RAP1GAP2: variants seen among roughly 807,000 people sequenced by gnomAD.
The protein encoded by RAP1GAP2 is RAP1 GTPase activating protein 2.
RAP1GAP2 carries 27 observed loss-of-function variants against 95.0 expected under a neutral mutation model. The ratio of observed to expected loss-of-function variants is 0.28; its 90% CI spans 0.21 to 0.39. RAP1GAP2 has a LOEUF of 0.39. Among genes scored for constraint, RAP1GAP2 ranks in the 10% least tolerant of loss-of-function variants. RAP1GAP2 has a pLI of 1.00. For missense variants in RAP1GAP2, 771 were observed against 970.0 expected (o/e 0.79, Z 2.72); for synonymous variants, 373 against 380.9 (o/e 0.98, Z 0.24).
At chr17:2,996,168 G>T (rs1019826245) in intron 13 of RAP1GAP2, among the ~76,000 whole-genome samples, 1 of 152,026 alleles carries the variant, frequency 6.6e-6, no homozygotes, top group African/African-American at 2.4e-5. Context: ...CATCTCACAG[G>T]CTCCTCTCTC....
Position 2,815,980 on chromosome 17 carries a change from A to T in RAP1GAP2, c.80+15430A>T, listed in dbSNP as rs561124155. On this transcript the variant is annotated intron_variant, in intron 2 of 24. Coordinates refer to ENST00000254695, the MANE Select transcript of RAP1GAP2 (RefSeq NM_015085.5). ...ACTGGCTGGACGTGGTCAGAAGGGC[A>T]GACGTGTGTGTACACAAGGCCCAGA... Among the ~76,000 whole-genome samples the T allele has an allele frequency of 2.6e-5, 4 of 152,354 alleles. 1 individual carries two copies. The East Asian group carries it at 7.7e-4, about 29-fold the overall frequency.
intron 1 of RAP1GAP2, among the ~76,000 whole-genome samples, chr17:2,799,192 T>C (rs1367040342): frequency 1.3e-5 from 2 of 151,978 alleles, no homozygotes; most frequent in Non-Finnish European, 2.9e-5. Context: ...TGGGTGTCTG[T>C]GCGTTGAATG....
intron 8 of RAP1GAP2, among the ~76,000 whole-genome samples, chr17:2,978,503 A>T (rs557340619): frequency 1.3e-5 from 2 of 152,302 alleles, no homozygotes; most frequent in East Asian, 3.9e-4. Context: ...TCATCATGCT[A>T]TTCAGGACGG....
At chr17:2,994,415 A>C (rs900563384) in intron 12 of RAP1GAP2, among the ~76,000 whole-genome samples, 6 of 152,212 alleles carry the variant, frequency 3.9e-5, no homozygotes, top group Non-Finnish European at 8.8e-5. Flanking sequence ...CTGGAAGCCC[A>C]CCCAGTTCCT....
chr17:2,939,519 G>A (rs2151427947), intron 3 of RAP1GAP2, among the ~76,000 whole-genome samples: 1 of 152,366 alleles, frequency 6.6e-6, no homozygotes, highest in South Asian at 2.1e-4. Context: ...GGGCTTCCCA[G>A]TTCAGAGAAG....
At chr17:3,019,785 A>G (rs2046893050) in intron 18 of RAP1GAP2, among the ~76,000 whole-genome samples, 1 of 152,208 alleles carries the variant, frequency 6.6e-6, no homozygotes, top group Non-Finnish European at 1.5e-5. Context: ...GAGGTGCCAT[A>G]ACATGTGCAT....
intron 17 of RAP1GAP2, among the ~76,000 whole-genome samples, chr17:3,015,749 G>C (rs183503290): frequency 6.6e-6 from 1 of 152,108 alleles, no homozygotes; most frequent in African/African-American, 2.4e-5. Flanking sequence ...CCTGGGAAGC[G>C]GAGGATGCTG....
At position 3,005,877 on chromosome 17, in the gene RAP1GAP2, C is replaced by T. The variant is rs1449316388; in HGVS notation, c.1273-78C>T. 2.2e-6 allele frequency: 3 copies of T among 1,377,188 alleles called. No homozygotes were observed. The highest frequency in any genetic ancestry group is 3.1e-6 in the Non-Finnish European group (3 of 964,508). 85.3% of individuals were successfully genotyped at this position (1,377,188 alleles called of 1,614,324 possible). On this transcript the variant is annotated intron_variant, in intron 15 of 24. Coordinates refer to ENST00000254695, the MANE Select transcript of RAP1GAP2 (RefSeq NM_015085.5). The surrounding 1 kb of genome is among the most constrained non-coding windows in gnomAD (Gnocchi z 5.2). Reference sequence around the variant, plus strand: ...GGTTCTCCCCATGGCCCCGGCTCTGCCTGCCTGTCACTGTGGCTGAAGACC... The same window carrying T: ...GGTTCTCCCCATGGCCCCGGCTCTGTCTGCCTGTCACTGTGGCTGAAGACC...
intron 3 of RAP1GAP2, among the ~76,000 whole-genome samples, chr17:2,953,089 A>G (rs1370936879): frequency 6.6e-6 from 1 of 152,110 alleles, no homozygotes; most frequent in African/African-American, 2.4e-5. Context: ...TACAGGTGTG[A>G]GCCACCACTG....
intron 2 of RAP1GAP2, among the ~76,000 whole-genome samples, chr17:2,897,775 G>T (rs775717665): frequency 2.6e-5 from 4 of 152,062 alleles, no homozygotes. Flanking sequence ...CGGTTCCCTC[G>T]GCTCTCCAGC....
rs1293229682 is a variant in RAP1GAP2, at chr17:2,817,781, A to C, written c.80+17231A>C. Among the ~76,000 whole-genome samples, 2 of 121,018 alleles carry C rather than the reference A, an allele frequency of 1.7e-5. 1 individual carries two copies. Among genetic ancestry groups the C allele is most frequent in the Non-Finnish European group, 4.0e-5 (2 of 50,420 alleles). 79.4% of individuals were successfully genotyped at this position (121,018 alleles called of 152,430 possible). ...GGCAATCCAACTGCCTCAACCTCCC[A>C]AAGTGTTAGGATTACAGGCATGAGC... On this transcript the variant is annotated intron_variant, in intron 2 of 24. Coordinates refer to ENST00000254695, the MANE Select transcript of RAP1GAP2 (RefSeq NM_015085.5).
At chr17:3,018,281 A>G in intron 18 of RAP1GAP2, 83 bp downstream of exon 18, 2 of 1,469,760 alleles carry the variant, frequency 1.4e-6, no homozygotes, top group Non-Finnish European at 1.8e-6. Flanking sequence ...GCCCCCACCC[A>G]GGCTTGGGCA....
In RAP1GAP2 at chr17:3,037,589, G is replaced by T. The variant is rs2047508672; in HGVS notation, c.*4228G>T. ...TGATTCGTAGATCCCAACTGCCTAT[G>T]TAATGTAAATAATGTACATTTAATT... On this transcript the variant is annotated 3_prime_UTR_variant, in exon 25 of 25. Coordinates refer to ENST00000254695, the MANE Select transcript of RAP1GAP2 (RefSeq NM_015085.5). 6.6e-6 allele frequency: 1 copy of T among 152,410 alleles called. No individual in the cohort carries two copies. The highest frequency in any genetic ancestry group is 2.1e-4 in the South Asian group (1 of 4,816). 9.4% of individuals were successfully genotyped at this position (152,410 alleles called of 1,614,324 possible). A position where few individuals can be genotyped will look rare whatever the true frequency, so the allele number is the denominator to read the frequency against.
intron 22 of RAP1GAP2, among the ~76,000 whole-genome samples, chr17:3,028,290 G>T (rs1421127677): frequency 6.6e-6 from 1 of 151,784 alleles, no homozygotes; most frequent in African/African-American, 2.4e-5. Flanking sequence ...CTGAGCCGGG[G>T]GCAGTCTTGC....
At chr17:2,833,159 T>A (rs561621577) in intron 2 of RAP1GAP2, among the ~76,000 whole-genome samples, 1 of 151,536 alleles carries the variant, frequency 6.6e-6, no homozygotes, top group South Asian at 2.1e-4. Flanking sequence ...TTTTTTTTTT[T>A]TTAGATGGAG....
rs1211387350 is a variant in RAP1GAP2 at position 3,026,345 on chromosome 17, T to C, written c.1866-5T>C. The C allele has an allele frequency of 1.1e-5, 17 of 1,548,174 alleles. No homozygotes were observed. Among genetic ancestry groups the C allele is most frequent in the Non-Finnish European group, 1.5e-5 (17 of 1,144,322 alleles). On this transcript the variant is annotated splice_polypyrimidine_tract_variant and splice_region_variant and intron_variant, in intron 20 of 24. Transcript: ENST00000254695. ...CGGGCTGGCCTCACTTCCTATTCCC[T>C]GCAGGCCCTTCATGAAGTTGAAGGA... is the stretch of plus-strand genomic sequence containing the variant.
At chr17:2,921,596 T>A (rs767374882) in intron 3 of RAP1GAP2, among the ~76,000 whole-genome samples, 3 of 149,304 alleles carry the variant, frequency 2.0e-5, no homozygotes, top group Non-Finnish European at 3.0e-5. Flanking sequence ...TTAAGGTGTC[T>A]GCAGGGTCGT....
intron 2 of RAP1GAP2, among the ~76,000 whole-genome samples, chr17:2,849,722 G>C (rs1186899997): frequency 3.3e-5 from 5 of 152,192 alleles, no homozygotes; most frequent in Non-Finnish European, 5.9e-5. Context: ...ACAGGCCATG[G>C]AGGTCCTGAG....
intron 2 of RAP1GAP2, among the ~76,000 whole-genome samples, chr17:2,833,737 A>G (rs1197393675): frequency 1.3e-5 from 2 of 151,290 alleles, no homozygotes; most frequent in Non-Finnish European, 2.9e-5. Flanking sequence ...GGACATCCTC[A>G]TAGTTGACTG....
Sources: gnomAD v4.1 joint callset for allele counts (sites outside exome capture counted in the v4.1 genomes callset) on GRCh38, gnomAD v4.1.1 for gene constraint, Gnocchi (gnomAD v3.1) non-coding constraint, MANE v1.5 for transcripts, NCBI Gene and HGNC (gene_info 2026-07-23, HGNC 2026-07-21) for gene names.